CNTN5: variants seen among roughly 807,000 people sequenced by gnomAD.
CNTN5 encodes the protein contactin 5, also known as contactin-5.
Under a neutral mutation model 129.1 loss-of-function variants are expected in CNTN5, and 77 were observed. The ratio of observed to expected loss-of-function variants is 0.60; its 90% CI spans 0.50 to 0.72. CNTN5 has a LOEUF of 0.72. Ranked by LOEUF, CNTN5 falls within the 30% of genes least tolerant of loss-of-function variation. CNTN5 has a pLI of 0.00. For missense variants in CNTN5, 1,478 were observed against 1,328.8 expected, an observed-to-expected ratio of 1.11 and a Z score of -1.75; for synonymous variants, 509 against 465.6, an observed-to-expected ratio of 1.09 and a Z score of -1.20.
intron 8 of CNTN5, among the ~76,000 whole-genome samples, chr11:99,991,709 T>A (rs1939109992): frequency 6.6e-6 from 1 of 152,012 alleles, no homozygotes. Context: ...CTTCCCTCCA[T>A]GTAGTGGAAG....
chr11:100,176,304 G>A (rs1288782024), intron 13 of CNTN5, among the ~76,000 whole-genome samples: 2 of 141,942 alleles, frequency 1.4e-5, no homozygotes, highest in African/African-American at 3.1e-5. Context: ...ACAGGCATAA[G>A]CCACTGAGCC....
chr11:99,365,972 G>A (rs1939420475), intron 2 of CNTN5, among the ~76,000 whole-genome samples: 1 of 152,116 alleles, frequency 6.6e-6, no homozygotes, highest in Admixed American at 6.6e-5. Flanking sequence ...ATCAGCCTAA[G>A]GGAAAGAGTA....
At chr11:99,855,589 G>C (rs967677606) in intron 6 of CNTN5, among the ~76,000 whole-genome samples, 11 of 152,148 alleles carry the variant, frequency 7.2e-5, no homozygotes. Context: ...GTAGTAGAAA[G>C]AAGAGAGTCC....
chr11:99,650,421 A>G (rs1378729210), intron 3 of CNTN5, among the ~76,000 whole-genome samples: 1 of 151,932 alleles, frequency 6.6e-6, no homozygotes. Context: ...ATCAGTCTCT[A>G]TTATACTAAT....
intron 7 of CNTN5, among the ~76,000 whole-genome samples, chr11:99,952,446 A>G (rs1010675605): frequency 2.6e-5 from 4 of 152,234 alleles, no homozygotes; most frequent in Non-Finnish European, 4.4e-5. Context: ...ATACTCTCCT[A>G]AGCAGCATCA....
At chr11:99,328,318 G>A (rs911906093) in intron 2 of CNTN5, among the ~76,000 whole-genome samples, 6 of 152,210 alleles carry the variant, frequency 3.9e-5, no homozygotes, top group South Asian at 2.1e-4. Flanking sequence ...AGTGTCCACA[G>A]CAATCTTTCA....
rs572477411 is a variant in CNTN5 at position 99,525,015 on chromosome 11, A to G, written c.-70-31130A>G. On this transcript the variant is annotated intron_variant, in intron 2 of 24. Transcript: ENST00000524871. ...ATCTTAATTAAATCATTTAAAGTACAGAGCAAACATGAAAGAACTATTAGT... is the reference window on the plus strand; with the variant it reads ...ATCTTAATTAAATCATTTAAAGTACGGAGCAAACATGAAAGAACTATTAGT... Among the ~76,000 whole-genome samples the G allele has an allele frequency of 3.3e-5, 5 of 152,314 alleles. No homozygotes were observed. In the South Asian group the frequency reaches 1.0e-3, roughly 32 times the overall value.
rs868598798 is a variant in CNTN5, at chr11:99,704,698, A to T, written c.56-114846A>T. ...ATCACTATCTTTTATCTATATATGC[A>T]TTCTATATATCCCTGTAGGTATACA... On this transcript the variant is annotated intron_variant, in intron 3 of 24. Coordinates refer to ENST00000524871, the MANE Select transcript of CNTN5 (RefSeq NM_014361.4). 6.5e-4 allele frequency among the ~76,000 whole-genome samples: 98 copies of T among 151,334 alleles called. 1 individual carries two copies. The highest frequency in any genetic ancestry group is 2.2e-3 in the African/African-American group (93 of 41,456).
intron 2 of CNTN5, among the ~76,000 whole-genome samples, chr11:99,537,666 C>T (rs777575924): frequency 1.3e-4 from 20 of 152,274 alleles, no homozygotes; most frequent in Admixed American, 4.6e-4. Context: ...GGGTTATGGC[C>T]TACAGAGCTC....
At chr11:99,772,992 C>T (rs751814200) in intron 3 of CNTN5, among the ~76,000 whole-genome samples, 3 of 152,056 alleles carry the variant, frequency 2.0e-5, no homozygotes, top group South Asian at 2.1e-4. Flanking sequence ...ATAATATACA[C>T]ATAATGTATA....
intron 16 of CNTN5, among the ~76,000 whole-genome samples, chr11:100,238,232 AG>A (rs926028638): frequency 4.6e-5 from 7 of 152,096 alleles, no homozygotes; most frequent in Admixed American, 1.3e-4. Context: ...GTTGAATTTC[AG>A]TAGTTTAATT....
chr11:99,687,117 G>A (rs1953827321), intron 3 of CNTN5, among the ~76,000 whole-genome samples: 1 of 152,096 alleles, frequency 6.6e-6, no homozygotes, highest in African/African-American at 2.4e-5. Flanking sequence ...AGAACTTGAA[G>A]GTTAATGTAC....
At chr11:99,224,384 A>G (rs1412965903) in intron 1 of CNTN5, among the ~76,000 whole-genome samples, 1 of 152,172 alleles carries the variant, frequency 6.6e-6, no homozygotes, top group African/African-American at 2.4e-5. Flanking sequence ...GCACAAGTAA[A>G]CTTCCAAGTA....
chr11:99,228,376 G>T (rs1220273046), intron 1 of CNTN5, among the ~76,000 whole-genome samples: 1 of 152,004 alleles, frequency 6.6e-6, no homozygotes, highest in Non-Finnish European at 1.5e-5. Flanking sequence ...TTGGTTAACA[G>T]GTACAAAAAT....
chr11:100,316,456 G>A (rs1488246480), intron 21 of CNTN5, among the ~76,000 whole-genome samples: 4 of 152,112 alleles, frequency 2.6e-5, no homozygotes, highest in African/African-American at 9.7e-5. Context: ...TATAATTCTC[G>A]TGTCTATAAT....
chr11:99,310,600 C>T lies in CNTN5; in HGVS notation c.-209-14746C>T, dbSNP rs546478497. Among the ~76,000 whole-genome samples, 7 of 152,124 alleles carry T rather than the reference C, an allele frequency of 4.6e-5. No individual in the cohort carries two copies. The East Asian group carries it at 1.2e-3, about 25-fold the overall frequency. ...TTCAATGAGTTTTGAAAAATAAATA[C>T]GCCTATAAGCCACTATCCCAATCAA... is the stretch of plus-strand genomic sequence containing the variant. On this transcript the variant is annotated intron_variant, in intron 1 of 24. Transcript: ENST00000524871.
intron 1 of CNTN5, among the ~76,000 whole-genome samples, chr11:99,096,749 A>C (rs531739092): frequency 6.6e-6 from 1 of 151,858 alleles, no homozygotes; most frequent in South Asian, 2.1e-4. Context: ...CAGTCAAGGC[A>C]TTCAAAAACT....
chr11:99,238,024 A>T (rs1195416947), intron 1 of CNTN5, among the ~76,000 whole-genome samples: 1 of 152,168 alleles, frequency 6.6e-6, no homozygotes, highest in African/African-American at 2.4e-5. Context: ...CAAAGCTGCA[A>T]ATTCTTTGTA....
intron 2 of CNTN5, among the ~76,000 whole-genome samples, chr11:99,454,884 C>A: frequency 6.6e-6 from 1 of 151,986 alleles, no homozygotes; most frequent in Non-Finnish European, 1.5e-5. Context: ...GATAGGAAAT[C>A]TAGTAGCCTC....
Sources: gnomAD v4.1 joint callset for allele counts (sites outside exome capture counted in the v4.1 genomes callset) on GRCh38, gnomAD v4.1.1 for gene constraint, MANE v1.5 for transcripts, NCBI Gene and HGNC (gene_info 2026-07-23, HGNC 2026-07-21) for gene names.